The following REV3L variants were observed in gnomAD, a reference collection of about 807,000 sequenced individuals.
REV3L encodes DNA polymerase zeta catalytic subunit.
Under a neutral mutation model 299.4 loss-of-function variants are expected in REV3L, and 69 were observed. The ratio of observed to expected loss-of-function variants is 0.23; its 90% CI spans 0.19 to 0.28. The LOEUF (loss-of-function observed/expected upper bound fraction) is 0.28. Among genes scored for constraint, REV3L ranks in the 10% least tolerant of loss-of-function variants. The pLI, the probability that REV3L is intolerant of heterozygous loss-of-function variation, is 1.00. For synonymous variants in REV3L, 1,238 were observed against 1,271.4 expected (o/e 0.97, Z 0.56); for missense variants, 3,128 against 3,693.8 (o/e 0.85, Z 3.97).
chr6:111,319,054 G>A (rs1773843301), intron 26 of REV3L, among the ~76,000 whole-genome samples: 1 of 152,146 alleles, frequency 6.6e-6, no homozygotes, highest in South Asian at 2.1e-4. Context: ...GGGCATGATA[G>A]CTGGTAACTT....
At chr6:111,458,689 A>G (rs1790424584) in intron 1 of REV3L, among the ~76,000 whole-genome samples, 1 of 152,044 alleles carries the variant, frequency 6.6e-6, no homozygotes, top group African/African-American at 2.4e-5. Flanking sequence ...TACAAGAGCC[A>G]CAAAAACAAG....
chr6:111,330,053 C>T (rs1490598499), intron 24 of REV3L, among the ~76,000 whole-genome samples: 6 of 152,096 alleles, frequency 3.9e-5, no homozygotes, highest in African/African-American at 1.4e-4. Flanking sequence ...AAATTTTGTT[C>T]GAAACTTTGA....
chr6:111,482,843 G>C lies in REV3L; in HGVS notation c.46C>G (p.Pro16Ala). Reference protein sequence around the residue: ...IVTADYYMASPLQGLDTCQSP... With the variant: ...IVTADYYMASALQGLDTCQSP... ...TGGCAGGTATCCAGCCCCTGCAGCG[G>C]GCTGGCCATGTAGTAGTCTGCAGTC... Residue 16 changes from proline (P) to alanine (A), a missense_variant, in exon 1 of 32, where the codon CCG (proline) becomes GCG (alanine). Physicochemically the swap from Pro to Ala is conservative, Grantham distance 27 (BLOSUM62 -1). This residue lies in a region of REV3L where 48 missense variants were observed against 42.8 expected (regional missense o/e 1.12). Coordinates refer to ENST00000368802, the MANE Select transcript of REV3L (RefSeq NM_001372078.1). 2.6e-6 allele frequency: 4 copies of C among 1,510,352 alleles called. No homozygotes were observed. The highest frequency in any genetic ancestry group is 3.5e-6 in the Non-Finnish European group (4 of 1,137,228). 93.6% of individuals were successfully genotyped at this position (1,510,352 alleles called of 1,614,324 possible).
chr6:111,475,544 T>C (rs1792841113), intron 1 of REV3L, among the ~76,000 whole-genome samples: 1 of 152,228 alleles, frequency 6.6e-6, no homozygotes, highest in African/African-American at 2.4e-5. Context: ...CCTTTGCTCA[T>C]TTGATAGGTG....
chr6:111,466,617 A>C (rs7752159), intron 1 of REV3L, among the ~76,000 whole-genome samples: 65,753 of 152,080 alleles, frequency 0.43, 19,027 homozygotes, highest in African/African-American at 0.81. Context: ...TGGGCAGATC[A>C]CCTGAAGTCA....
chr6:111,352,661 C>A (rs750871688), intron 18 of REV3L, among the ~76,000 whole-genome samples: 9 of 151,974 alleles, frequency 5.9e-5, no homozygotes, highest in Non-Finnish European at 1.2e-4. Context: ...ACAAGTTTGT[C>A]CTTTAAATTT....
At chr6:111,437,515 A>G (rs2128304779) in intron 1 of REV3L, among the ~76,000 whole-genome samples, 1 of 151,556 alleles carries the variant, frequency 6.6e-6, no homozygotes, top group East Asian at 1.9e-4. Context: ...TTAGTATACA[A>G]TTTTTAATTA....
intron 3 of REV3L, among the ~76,000 whole-genome samples, chr6:111,406,740 G>T (rs946372286): frequency 6.6e-6 from 1 of 152,016 alleles, no homozygotes; most frequent in Admixed American, 6.5e-5. Flanking sequence ...TTTTGGAAGG[G>T]GAATAAGGAT....
At chr6:111,398,933 T>C (rs530079742) in intron 4 of REV3L, among the ~76,000 whole-genome samples, 3 of 152,282 alleles carry the variant, frequency 2.0e-5, no homozygotes, top group Middle Eastern at 6.8e-3. Flanking sequence ...ATTTTTGCCA[T>C]TGAAAGTAAC....
intron 1 of REV3L, among the ~76,000 whole-genome samples, chr6:111,478,629 C>CAAAAAAAAAA (rs35796020): frequency 7.8e-6 from 1 of 128,444 alleles, no homozygotes; most frequent in Non-Finnish European, 1.8e-5. Flanking sequence ...TCCAATTTAC[C>CAAAAAAAAAA]AAAAAAAAAA....
intron 1 of REV3L, among the ~76,000 whole-genome samples, chr6:111,440,135 T>C (rs570381772): frequency 7.2e-5 from 11 of 152,164 alleles, no homozygotes; most frequent in African/African-American, 1.9e-4. Context: ...GGCACAATCT[T>C]GGCTCACTGC....
intron 1 of REV3L, among the ~76,000 whole-genome samples, chr6:111,461,106 G>C (rs991984662): frequency 3.9e-5 from 6 of 152,176 alleles, no homozygotes; most frequent in African/African-American, 1.4e-4. Context: ...AAAAAGGAAA[G>C]TTAACTGTAA....
intron 31 of REV3L, among the ~76,000 whole-genome samples, chr6:111,301,817 A>C (rs1394865980): frequency 1.3e-5 from 2 of 152,116 alleles, no homozygotes; most frequent in African/African-American, 4.8e-5. Context: ...TTGCATATAT[A>C]GTTAAAAAAA....
Position 111,335,449 on chromosome 6 carries a change from C to A in REV3L, c.7680+20G>T. Reference sequence around the variant, plus strand: ...CACTCATACAGAACTTTCAAGTCTGCAAGAAAACTGATTTCCCACCTGTGA... The same window carrying A: ...CACTCATACAGAACTTTCAAGTCTGAAAGAAAACTGATTTCCCACCTGTGA... On this transcript the variant is annotated intron_variant, in intron 22 of 31. Coordinates refer to ENST00000368802, the MANE Select transcript of REV3L (RefSeq NM_001372078.1). 1.2e-6 allele frequency: 2 copies of A among 1,601,746 alleles called. No homozygotes were observed. Among genetic ancestry groups the A allele is most frequent in the Non-Finnish European group, 1.7e-6 (2 of 1,174,950 alleles).
chr6:111,409,343 T>G (rs1330145214), intron 3 of REV3L, among the ~76,000 whole-genome samples: 1 of 151,582 alleles, frequency 6.6e-6, no homozygotes, highest in Non-Finnish European at 1.5e-5. Flanking sequence ...CTAATGGATA[T>G]TCTAATGTGA....
chr6:111,398,025 T>C (rs530532165), intron 4 of REV3L, among the ~76,000 whole-genome samples: 65 of 149,284 alleles, frequency 4.4e-4, no homozygotes, highest in African/African-American at 1.5e-3. Context: ...TATCACTGTA[T>C]TGTATTGGCT....
intron 25 of REV3L, among the ~76,000 whole-genome samples, chr6:111,329,199 A>G (rs1292197877): frequency 6.6e-6 from 1 of 151,698 alleles, no homozygotes; most frequent in Non-Finnish European, 1.5e-5. Context: ...GCCCACCACC[A>G]CACCTAGCTT....
At chr6:111,461,479 C>T (rs77660883) in intron 1 of REV3L, among the ~76,000 whole-genome samples, 1,705 of 151,774 alleles carry the variant, frequency 0.011, 30 homozygotes, top group African/African-American at 0.037. Flanking sequence ...TAAGGTAAGG[C>T]TAATTATTGA....
At chr6:111,350,764 T>C (rs1777502951) in intron 19 of REV3L, among the ~76,000 whole-genome samples, 1 of 151,734 alleles carries the variant, frequency 6.6e-6, no homozygotes, top group Admixed American at 6.6e-5. Flanking sequence ...TTTTTTTTTT[T>C]TTTTGGTAGA....
Sources: gnomAD v4.1 joint callset for allele counts (sites outside exome capture counted in the v4.1 genomes callset) on GRCh38, gnomAD v4.1.1 for gene constraint, gnomAD v4.1.1 regional missense constraint, MANE v1.5 for transcripts, NCBI Gene and HGNC (gene_info 2026-07-23, HGNC 2026-07-21) for gene names.